The following TPH2 variants were observed in gnomAD, a reference collection of about 807,000 sequenced individuals.
TPH2 encodes the protein tryptophan hydroxylase 2.
Under a neutral mutation model 59.1 loss-of-function variants are expected in TPH2, and 27 were observed. The observed-to-expected ratio is 0.46, with a 90% CI of 0.34 to 0.63. The LOEUF (loss-of-function observed/expected upper bound fraction) is 0.63, where lower values mean the gene tolerates loss of function less well. Among genes scored for constraint, TPH2 ranks in the 30% least tolerant of loss-of-function variants. The pLI, the probability that TPH2 is intolerant of heterozygous loss-of-function variation, is 0.01. For missense variants in TPH2, 523 were observed against 588.3 expected (o/e 0.89, Z 1.15); for synonymous variants, 220 against 210.5 (o/e 1.05, Z -0.39).
At chr12:72,029,261 C>T (rs928117209) in intron 9 of TPH2, among the ~76,000 whole-genome samples, 2 of 152,200 alleles carry the variant, frequency 1.3e-5, no homozygotes, top group African/African-American at 4.8e-5. Context: ...AATGTTCTTA[C>T]AGCCTATTCT....
chr12:72,022,361 T>C (rs1426601640), intron 8 of TPH2, 38 bp from the exon 9 acceptor site: 2 of 1,475,486 alleles, frequency 1.4e-6, no homozygotes, highest in East Asian at 2.3e-5. Context: ...AAATAACTCA[T>C]TGACCAGTTC....
rs371750104 is a variant in TPH2, at chr12:71,972,569, G to A, written c.659G>A (p.Trp220Ter). Residue 220 changes from tryptophan (W) to a stop codon, truncating the protein, a stop_gained, in exon 6 of 11, where the codon TGG becomes TAG. Transcript: ENST00000333850. LOFTEE classifies it high-confidence loss of function. Reference protein sequence around the residue: ...VEYTEEETKTWGVVFRELSKL... With the variant: ...VEYTEEETKT ...TATACTGAAGAAGAAACTAAAACTT[G>A]GGGTGTTGTATTCCGGGAGCTCTCC... The A allele has an allele frequency of 6.2e-7, 1 of 1,613,978 alleles. No homozygotes were observed. Among genetic ancestry groups the A allele is most frequent in the African/African-American group, 1.3e-5 (1 of 74,906 alleles).
chr12:71,989,537 G>A (rs1384680047), intron 7 of TPH2, among the ~76,000 whole-genome samples: 3 of 152,144 alleles, frequency 2.0e-5, no homozygotes, highest in East Asian at 3.8e-4. Context: ...TGGCTTCTGT[G>A]TCATTTAGAG....
chr12:71,944,169 C>A (rs2139178661), intron 2 of TPH2, 125 bp from the exon 3 acceptor site: 4 of 937,862 alleles, frequency 4.3e-6, no homozygotes, highest in East Asian at 2.6e-5. Context: ...ATTCAAAGAA[C>A]AAAGAGATTG....
chr12:71,962,038 C>T (rs1396600268), intron 5 of TPH2: 4 of 1,028,322 alleles, frequency 3.9e-6, no homozygotes, highest in Admixed American at 5.1e-5. Context: ...AATATGTGAT[C>T]GCAAATGCTC....
At chr12:72,012,550 G>A (rs1873127161) in intron 8 of TPH2, among the ~76,000 whole-genome samples, 1 of 152,188 alleles carries the variant, frequency 6.6e-6, no homozygotes, top group African/African-American at 2.4e-5. Flanking sequence ...ACCATGGAGG[G>A]CCTTTTCTGC....
intron 8 of TPH2, among the ~76,000 whole-genome samples, chr12:72,022,042 A>AAAAG (rs1260591538): frequency 1.3e-5 from 2 of 152,200 alleles, no homozygotes; most frequent in Non-Finnish European, 2.9e-5. Context: ...CTGAAACAAA[A>AAAAG]TTTGGTAAAT....
intron 8 of TPH2, among the ~76,000 whole-genome samples, chr12:72,015,893 C>A (rs889192793): frequency 2.0e-5 from 3 of 152,054 alleles, no homozygotes. Flanking sequence ...TGGCTGGGGT[C>A]ATGGGGAGCA....
At chr12:71,947,702 G>C (rs1321742665) in intron 4 of TPH2, among the ~76,000 whole-genome samples, 2 of 152,082 alleles carry the variant, frequency 1.3e-5, no homozygotes, top group East Asian at 1.9e-4. Flanking sequence ...AGTGCAGCTA[G>C]CGTCCCTAGT....
At chr12:71,950,865 T>G (rs1871325924) in intron 5 of TPH2, among the ~76,000 whole-genome samples, 1 of 152,156 alleles carries the variant, frequency 6.6e-6, no homozygotes, top group Non-Finnish European at 1.5e-5. Context: ...GATGAGAAGA[T>G]TCTTCATCCC....
Position 71,979,088 on chromosome 12 carries a change from G to A in TPH2, c.941+1G>A, listed in dbSNP as rs77281207. ...CAGATCCCCTCTACACCCCAGAACC[G>A]TGAGTACCTACATTAAAGCCCAGGC... On this transcript the variant is annotated splice_donor_variant, in intron 7 of 10. Transcript: ENST00000333850. LOFTEE classifies it high-confidence loss of function. The A allele has an allele frequency of 1.7e-5, 27 of 1,613,944 alleles. No individual in the cohort carries two copies. The highest frequency in any genetic ancestry group is 2.0e-5 in the Non-Finnish European group (24 of 1,179,998).
chr12:72,005,374 C>G (rs775519722), intron 8 of TPH2, among the ~76,000 whole-genome samples: 1 of 134,556 alleles, frequency 7.4e-6, no homozygotes, highest in East Asian at 2.1e-4. Flanking sequence ...TTTCCTCTTT[C>G]TTATTAAAAA....
chr12:72,029,949 C>A (rs1051855296), intron 9 of TPH2, among the ~76,000 whole-genome samples: 10 of 152,090 alleles, frequency 6.6e-5, no homozygotes, highest in Admixed American at 5.9e-4. Flanking sequence ...CTCCAGGAAA[C>A]CTTAGCTGTT....
intron 8 of TPH2, among the ~76,000 whole-genome samples, chr12:72,021,464 A>G (rs34540665): frequency 0.59 from 87,244 of 149,006 alleles, 25,810 homozygotes; most frequent in Non-Finnish European, 0.64. Context: ...TTTTTTTTTT[A>G]ACTTCATGAT....
At position 72,032,070 on chromosome 12, in the gene TPH2, A is replaced by G. The variant is rs1873738177; in HGVS notation, c.*375A>G. The G allele has an allele frequency of 1.3e-5, 3 of 230,572 alleles. No homozygotes were observed. In the South Asian group the frequency reaches 2.0e-4, roughly 16 times the overall value. 14.3% of individuals were successfully genotyped at this position (230,572 alleles called of 1,614,324 possible). On this transcript the variant is annotated 3_prime_UTR_variant, in exon 11 of 11. Transcript: ENST00000333850. The stretch of plus-strand genomic sequence containing the variant: ...TCCTCTGTGTTCATTAGATAAAATG[A>G]AAAAAAGCAGTGAAGCTGTTTCCAT...
intron 4 of TPH2, among the ~76,000 whole-genome samples, chr12:71,946,742 T>C (rs1031574001): frequency 1.3e-5 from 2 of 152,124 alleles, no homozygotes; most frequent in African/African-American, 4.8e-5. Context: ...ACCGTTGTGA[T>C]AGGATACTTC....
At chr12:71,989,353 T>G (rs1282782682) in intron 7 of TPH2, among the ~76,000 whole-genome samples, 4 of 152,216 alleles carry the variant, frequency 2.6e-5, no homozygotes, top group Admixed American at 6.5e-5. Context: ...CTGCAACGCA[T>G]CCCAGTGTGT....
In TPH2 at chr12:72,015,039, A is replaced by G. The variant is rs114455522; in HGVS notation, c.1069-7360A>G. On this transcript the variant is annotated intron_variant, in intron 8 of 10. Coordinates refer to ENST00000333850, the MANE Select transcript of TPH2 (RefSeq NM_173353.4). ...TACTATTGTCATTTGCAATTTAATC[A>G]AGATTAAGGAATCTTGGCTAAAGGT... Among the ~76,000 whole-genome samples, 387 of 152,278 alleles carry G rather than the reference A, an allele frequency of 2.5e-3. 2 individuals carry two copies. The highest frequency in any genetic ancestry group is 8.9e-3 in the African/African-American group (369 of 41,558).
In TPH2 at chr12:71,972,567, T is replaced by A; in HGVS notation, c.657T>A (p.Thr219=). The change falls in exon 6 of 11, where the codon ACT becomes ACA. Residue 219 remains threonine (T), a synonymous_variant. Transcript: ENST00000333850. ...AGTATACTGAAGAAGAAACTAAAAC[T>A]TGGGGTGTTGTATTCCGGGAGCTCT... ...RVEYTEEETK[T]WGVVFRELSK... 1 of 1,614,128 alleles carries A rather than the reference T, an allele frequency of 6.2e-7. No individual in the cohort carries two copies. The highest frequency in any genetic ancestry group is 8.5e-7 in the Non-Finnish European group (1 of 1,180,008).
Sources: allele counts gnomAD v4.1 joint callset (sites outside exome capture counted in the v4.1 genomes callset), GRCh38; gene constraint gnomAD v4.1.1; transcripts MANE v1.5; gene names NCBI Gene and HGNC (gene_info 2026-07-23, HGNC 2026-07-21).